The following DGLUCY variants were observed in gnomAD, a reference collection of about 807,000 sequenced individuals.
The protein encoded by DGLUCY is D-glutamate cyclase.
DGLUCY carries 58 observed loss-of-function variants against 58.5 expected under a neutral mutation model. That is an observed-to-expected ratio of 0.99 (90% confidence interval 0.80 to 1.23). The LOEUF is 1.23. DGLUCY is among the 50% of genes most tolerant of loss of function. DGLUCY has a pLI of 0.00. For missense variants in DGLUCY, 779 were observed against 784.7 expected (o/e 0.99, Z 0.09); for synonymous variants, 325 against 314.1 (o/e 1.03, Z -0.37).
At chr14:91,124,080 A>G (rs890761186) in intron 1 of DGLUCY, among the ~76,000 whole-genome samples, 1 of 151,966 alleles carries the variant, frequency 6.6e-6, no homozygotes, top group Non-Finnish European at 1.5e-5. Flanking sequence ...GTCGCACGCC[A>G]TCATGCCCGG....
At chr14:91,200,037 C>G (rs2050458627) in intron 11 of DGLUCY, 132 bp downstream of exon 11, 1 of 1,147,974 alleles carries the variant, frequency 8.7e-7, no homozygotes, top group Non-Finnish European at 1.2e-6. Context: ...TCACTGCAAC[C>G]TCTGCCTCCT....
intron 7 of DGLUCY, 130 bp downstream of exon 7, chr14:91,176,186 G>A (rs1266911321): frequency 2.7e-6 from 3 of 1,115,684 alleles, no homozygotes; most frequent in Non-Finnish European, 3.7e-6. Context: ...CAAAACAGAG[G>A]CCTACAGCTA....
chr14:91,198,133 C>T (rs142397578), intron 10 of DGLUCY, among the ~76,000 whole-genome samples: 2 of 152,184 alleles, frequency 1.3e-5, no homozygotes, highest in African/African-American at 4.8e-5. Context: ...GCCTCTGCCT[C>T]CCGGGTTCAA....
At chr14:91,189,564 C>T (rs1002688774) in intron 9 of DGLUCY, among the ~76,000 whole-genome samples, 4 of 152,162 alleles carry the variant, frequency 2.6e-5, no homozygotes, top group African/African-American at 7.2e-5. Flanking sequence ...CCCACCTGGT[C>T]GTGATGGGCA....
At chr14:91,192,014 C>T (rs993282141) in intron 9 of DGLUCY, among the ~76,000 whole-genome samples, 2 of 152,136 alleles carry the variant, frequency 1.3e-5, no homozygotes, top group South Asian at 2.1e-4. Context: ...ATTCCACTTC[C>T]AGGCATATAC....
chr14:91,170,261 C>T (rs2048505829), intron 5 of DGLUCY, 60 bp downstream of exon 5: 2 of 1,557,000 alleles, frequency 1.3e-6, no homozygotes, highest in East Asian at 2.3e-5. Flanking sequence ...GATCAACTTA[C>T]ATATTCCTGG....
intron 1 of DGLUCY, among the ~76,000 whole-genome samples, chr14:91,150,932 C>T (rs2047298005): frequency 6.6e-6 from 1 of 152,192 alleles, no homozygotes. Context: ...CAAACTGAAA[C>T]TCTCTGCCCA....
chr14:91,102,257 GAT>G (rs2044500565), intron 1 of DGLUCY, among the ~76,000 whole-genome samples: 1 of 152,104 alleles, frequency 6.6e-6, no homozygotes, highest in Admixed American at 6.6e-5. Flanking sequence ...CCAATGAAGT[GAT>G]CAGTGTTCAA....
At chr14:91,158,690 C>G (rs779513487) in intron 2 of DGLUCY, among the ~76,000 whole-genome samples, 6 of 152,160 alleles carry the variant, frequency 3.9e-5, no homozygotes, top group Non-Finnish European at 5.9e-5. Context: ...AGTCATCCAA[C>G]AAACACTTAC....
At chr14:91,180,571 C>CAAAAAAAA (rs1212639674) in intron 7 of DGLUCY, among the ~76,000 whole-genome samples, 3 of 86,150 alleles carry the variant, frequency 3.5e-5, no homozygotes, top group Non-Finnish European at 2.3e-5. Flanking sequence ...GACTCCATCT[C>CAAAAAAAA]AAAAAAAAAA....
At chr14:91,209,379 A>T (rs1174660376) in intron 12 of DGLUCY, among the ~76,000 whole-genome samples, 1 of 152,102 alleles carries the variant, frequency 6.6e-6, no homozygotes, top group Admixed American at 6.6e-5. Flanking sequence ...TATATCAATA[A>T]TCACCATAAA....
At chr14:91,125,579 C>T (rs2045625817) in intron 1 of DGLUCY, 1 of 152,280 alleles carries the variant, frequency 6.6e-6, no homozygotes, top group Admixed American at 6.6e-5. Context: ...CAAATGACCA[C>T]TGGCAGCCTA....
chr14:91,184,412 G>A (rs1366152551), intron 8 of DGLUCY, among the ~76,000 whole-genome samples: 1 of 151,440 alleles, frequency 6.6e-6, no homozygotes, highest in Admixed American at 6.6e-5. Flanking sequence ...TTAGCTAGGT[G>A]TGGTGGTGTC....
At chr14:91,082,747 C>CT (rs1327536787) in intron 1 of DGLUCY, among the ~76,000 whole-genome samples, 2 of 152,034 alleles carry the variant, frequency 1.3e-5, no homozygotes, top group Non-Finnish European at 2.9e-5. Context: ...GGTTGCACAT[C>CT]TTTTTTTGTT....
upstream of DGLUCY, among the ~76,000 whole-genome samples, chr14:91,107,680 A>G (rs1032969701): frequency 1.3e-5 from 2 of 152,204 alleles, no homozygotes; most frequent in Non-Finnish European, 2.9e-5. Flanking sequence ...GAACAGGCAG[A>G]CATGAAGACC....
chr14:91,178,576 T>A (rs1275220354), intron 7 of DGLUCY, among the ~76,000 whole-genome samples: 1 of 152,218 alleles, frequency 6.6e-6, no homozygotes, highest in East Asian at 1.9e-4. Flanking sequence ...GACATCTACC[T>A]GGTTTTGGAG....
chr14:91,215,577 G>A (rs45465092), intron 13 of DGLUCY, 21 bp downstream of exon 13: 351,132 of 1,613,084 alleles, frequency 0.22, 40,795 homozygotes, highest in African/African-American at 0.26. Flanking sequence ...CCAGCCAGCC[G>A]CTCGCCTGGA....
intron 1 of DGLUCY, among the ~76,000 whole-genome samples, chr14:91,078,525 C>T (rs1025454086): frequency 6.6e-6 from 1 of 152,180 alleles, no homozygotes; most frequent in African/African-American, 2.4e-5. Flanking sequence ...TCCATCCCCC[C>T]ACGCCTTCAT....
chr14:91,102,743 A>ATGTGTG (rs548653144), intron 1 of DGLUCY, among the ~76,000 whole-genome samples: 12,484 of 130,252 alleles, frequency 0.096, 873 homozygotes, highest in East Asian at 0.28. Context: ...TCCAGTGTGT[A>ATGTGTG]TGTGTGTGTG....
Sources: gnomAD v4.1 joint callset for allele counts (sites outside exome capture counted in the v4.1 genomes callset) on GRCh38, gnomAD v4.1.1 for gene constraint, MANE v1.5 for transcripts, NCBI Gene and HGNC (gene_info 2026-07-23, HGNC 2026-07-21) for gene names.